Variants in PHACTR1 observed in about 807,000 individuals in gnomAD.
PHACTR1 encodes RPEL repeat containing 1.
Under a neutral mutation model 69.2 loss-of-function variants are expected in PHACTR1, and 16 were observed. That is an observed-to-expected ratio of 0.23 (90% CI 0.16 to 0.35). PHACTR1 has a LOEUF of 0.35. Among genes scored for constraint, PHACTR1 ranks in the 10% least tolerant of loss-of-function variants. PHACTR1 has a pLI of 1.00. For missense variants in PHACTR1, 510 were observed against 734.7 expected (o/e 0.69, Z 3.54); for synonymous variants, 312 against 284.5 (o/e 1.10, Z -0.97).
intron 5 of PHACTR1, among the ~76,000 whole-genome samples, chr6:13,109,833 C>CGTGTGT (rs58370068): frequency 0.028 from 4,154 of 146,118 alleles, 106 homozygotes; most frequent in African/African-American, 0.074. Flanking sequence ...ATTTTTTCAG[C>CGTGTGT]GTGTGTGTGT....
intron 4 of PHACTR1, among the ~76,000 whole-genome samples, chr6:12,788,205 C>G (rs924566591): frequency 6.6e-6 from 1 of 151,052 alleles, no homozygotes; most frequent in Non-Finnish European, 1.5e-5. Flanking sequence ...CTGAGCACCA[C>G]AGACCCACGC....
intron 4 of PHACTR1, among the ~76,000 whole-genome samples, chr6:13,005,453 T>C (rs1174164663): frequency 6.6e-6 from 1 of 152,192 alleles, no homozygotes; most frequent in Non-Finnish European, 1.5e-5. Flanking sequence ...CTTTGATTCT[T>C]GCAGACAACA....
In PHACTR1 at chr6:12,903,323, G is replaced by A. The variant is rs188811701; in HGVS notation, c.251-150042G>A. On this transcript the variant is annotated intron_variant, in intron 4 of 14. Transcript: ENST00000332995. Reference sequence around the variant, plus strand: ...TTATTAAAGGGAGACATGTCTTCAAGTAGGAGCCAAGAAGTGAATGTTCCC... The same window carrying A: ...TTATTAAAGGGAGACATGTCTTCAAATAGGAGCCAAGAAGTGAATGTTCCC... Among the ~76,000 whole-genome samples, 128 of 152,350 alleles carry A rather than the reference G, an allele frequency of 8.4e-4. 1 individual carries two copies. Among genetic ancestry groups the A allele is most frequent in the Non-Finnish European group, 1.4e-3 (92 of 68,028 alleles).
At position 12,894,839 on chromosome 6, in the gene PHACTR1, C is replaced by A. The variant is rs1036390970; in HGVS notation, c.250+145049C>A. ...TATCCAAAAAAGCAAAAATTAAAAT[C>A]ATTTTAATTTCATCACACAGATCTT... On this transcript the variant is annotated intron_variant, in intron 4 of 14. Coordinates refer to ENST00000332995, the MANE Select transcript of PHACTR1 (RefSeq NM_030948.6). Among the ~76,000 whole-genome samples the A allele has an allele frequency of 5.3e-5, 8 of 152,298 alleles. No homozygotes were observed. In the South Asian group the frequency reaches 1.2e-3, roughly 24 times the overall value.
intron 7 of PHACTR1, among the ~76,000 whole-genome samples, chr6:13,195,226 G>A (rs1150600): frequency 0.36 from 55,058 of 151,998 alleles, 10,351 homozygotes; most frequent in East Asian, 0.58. Flanking sequence ...TTCTGTTCCA[G>A]ATATACTGCC....
At chr6:12,984,802 A>C (rs1018396034) in intron 4 of PHACTR1, among the ~76,000 whole-genome samples, 6 of 152,252 alleles carry the variant, frequency 3.9e-5, no homozygotes, top group Admixed American at 2.0e-4. Flanking sequence ...CAAACCGTCT[A>C]ATGATGAATC....
chr6:13,160,177 G>A (rs1160233089), intron 5 of PHACTR1, 27 bp from the exon 6 acceptor site: 3 of 1,598,232 alleles, frequency 1.9e-6, no homozygotes, highest in Non-Finnish European at 2.6e-6. Flanking sequence ...ACTCACATCT[G>A]CCTCCCTGTT....
intron 4 of PHACTR1, among the ~76,000 whole-genome samples, chr6:13,041,438 G>GTAC: frequency 9.4e-6 from 1 of 106,330 alleles, no homozygotes; most frequent in Admixed American, 9.1e-5. Flanking sequence ...CACTTCAGCA[G>GTAC]TACTATTTGG....
At chr6:13,026,959 T>C (rs1801783666) in intron 4 of PHACTR1, among the ~76,000 whole-genome samples, 1 of 152,140 alleles carries the variant, frequency 6.6e-6, no homozygotes, top group Non-Finnish European at 1.5e-5. Context: ...CAAGTCTGCA[T>C]GTCTTAAGCA....
chr6:13,255,219 C>T (rs58425216), intron 10 of PHACTR1, among the ~76,000 whole-genome samples: 9,448 of 152,152 alleles, frequency 0.062, 549 homozygotes, highest in African/African-American at 0.15. Flanking sequence ...TTTAAACAAC[C>T]AGATCTCATG....
At chr6:12,725,880 A>T (rs956009312) in intron 3 of PHACTR1, among the ~76,000 whole-genome samples, 4 of 152,176 alleles carry the variant, frequency 2.6e-5, no homozygotes, top group Non-Finnish European at 4.4e-5. Flanking sequence ...AAGAATTTTT[A>T]AAAAAATTTT....
intron 4 of PHACTR1, among the ~76,000 whole-genome samples, chr6:13,000,633 G>GAAGGAAGGAAGGAAGGAAGA (rs1562115248): frequency 1.3e-4 from 14 of 107,072 alleles, no homozygotes; most frequent in African/African-American, 5.7e-4. Context: ...AGGAAGGAAG[G>GAAGGAAGGAAGGAAGGAAGA]AAGGAAGGGG....
intron 4 of PHACTR1, among the ~76,000 whole-genome samples, chr6:13,028,985 T>C (rs1457783157): frequency 1.3e-5 from 2 of 152,180 alleles, no homozygotes; most frequent in East Asian, 3.8e-4. Flanking sequence ...GAAGAGTAGG[T>C]GTACTGGCTT....
chr6:12,882,189 A>G (rs767275291), intron 4 of PHACTR1, among the ~76,000 whole-genome samples: 1 of 152,114 alleles, frequency 6.6e-6, no homozygotes. Context: ...TTCGCATGGG[A>G]AACAGGGTGA....
At chr6:12,902,249 G>A (rs886808515) in intron 4 of PHACTR1, among the ~76,000 whole-genome samples, 14 of 152,154 alleles carry the variant, frequency 9.2e-5, no homozygotes, top group East Asian at 1.9e-4. Flanking sequence ...ATGGCGAAAC[G>A]CTGTCTCTAT....
At chr6:13,093,146 T>C (rs971744109) in intron 5 of PHACTR1, among the ~76,000 whole-genome samples, 1 of 152,210 alleles carries the variant, frequency 6.6e-6, no homozygotes, top group Admixed American at 6.5e-5. Context: ...TCTACTTTGT[T>C]ATTTAGAAAC....
At chr6:12,888,052 A>G (rs1203657585) in intron 4 of PHACTR1, among the ~76,000 whole-genome samples, 1 of 140,972 alleles carries the variant, frequency 7.1e-6, no homozygotes, top group Non-Finnish European at 1.5e-5. Flanking sequence ...TAGCCTGGGC[A>G]ACAGAGTGAG....
chr6:12,895,204 G>A (rs1247527884), intron 4 of PHACTR1, among the ~76,000 whole-genome samples: 3 of 97,816 alleles, frequency 3.1e-5, no homozygotes, highest in Admixed American at 1.5e-4. Context: ...TTTTTGAGAC[G>A]AAGTTTCCCT....
At chr6:13,229,956 G>T (rs539407841) in intron 9 of PHACTR1, 81 bp from the exon 10 acceptor site, 2 of 1,437,894 alleles carry the variant, frequency 1.4e-6, no homozygotes, top group Non-Finnish European at 1.8e-6. Flanking sequence ...TTCCTGCCTT[G>T]TATCTTATGA....
Sources: allele counts gnomAD v4.1 joint callset (sites outside exome capture counted in the v4.1 genomes callset), GRCh38; gene constraint gnomAD v4.1.1; transcripts MANE v1.5; gene names NCBI Gene and HGNC (gene_info 2026-07-23, HGNC 2026-07-21).